TRIM5: variants seen among roughly 807,000 people sequenced by gnomAD.
The protein encoded by TRIM5 is tripartite motif containing 5, also known as tripartite motif-containing protein 5.
A neutral mutation model predicts 35.6 loss-of-function variants in TRIM5; 31 were observed. The observed-to-expected ratio is 0.87, with a 90% confidence interval of 0.65 to 1.18. The LOEUF is 1.18. Among genes scored for constraint, TRIM5 ranks in the 50% most tolerant of loss-of-function variants. The pLI, the probability that TRIM5 is intolerant of heterozygous loss-of-function variation, is 0.00. For missense variants in TRIM5, 609 were observed against 591.6 expected (o/e 1.03, Z -0.31); for synonymous variants, 243 against 215.6 (o/e 1.13, Z -1.11).
the TRIM5 span, chr11:5,605,382 C>G: frequency 2.5e-6 from 4 of 1,614,020 alleles, no homozygotes; most frequent in Non-Finnish European, 2.5e-6. Context: ...AGAGTTTAAT[C>G]AGCTGCGAAA....
the TRIM5 span, among the ~76,000 whole-genome samples, chr11:5,604,026 C>T: frequency 1.6e-4 from 24 of 152,090 alleles, no homozygotes; most frequent in African/African-American, 5.5e-4. Context: ...GAAGGCGTCT[C>T]GCTCTGTCGC....
the TRIM5 span, chr11:5,603,514 C>T: frequency 4.8e-5 from 78 of 1,613,972 alleles, no homozygotes; most frequent in Middle Eastern, 3.3e-4. Flanking sequence ...GCCAGGGAAC[C>T]TGCGGCCTAA....
At chr11:5,592,615 A>C in the TRIM5 span, among the ~76,000 whole-genome samples, 3 of 152,104 alleles carry the variant, frequency 2.0e-5, no homozygotes, top group South Asian at 6.2e-4. Context: ...AGAAAATATA[A>C]AATATCAAAG....
chr11:5,603,414 C>T, the TRIM5 span: 6 of 1,614,078 alleles, frequency 3.7e-6, no homozygotes, highest in Admixed American at 1.7e-5. Flanking sequence ...GCCACAGCTT[C>T]TGCCAAGCCT....
chr11:5,666,042 TGGAAAAG>T lies in TRIM5; in HGVS notation c.800_806del (p.Thr267LysfsTer13). On this transcript the variant is annotated frameshift_variant, in exon 6 of 8. Transcript: ENST00000380034. LOFTEE classifies it high-confidence loss of function. ...CTCGAAACACTCTCCTTTGATTTTTTGGAAAAGTTTCTGGCTTCTTCAAGGTCACGTT... is the reference window on the plus strand; with the variant it reads ...CTCGAAACACTCTCCTTTGATTTTTTTTTCTGGCTTCTTCAAGGTCACGTT... 1 of 1,613,440 alleles carries T rather than the reference TGGAAAAG, an allele frequency of 6.2e-7. No individual in the cohort carries two copies. The highest frequency in any genetic ancestry group is 8.5e-7 in the Non-Finnish European group (1 of 1,179,920).
the TRIM5 span, among the ~76,000 whole-genome samples, chr11:5,638,854 A>G: frequency 1.3e-5 from 2 of 152,166 alleles, no homozygotes; most frequent in Admixed American, 6.5e-5. Context: ...TATTTTTGCA[A>G]CTGGTTACAG....
chr11:5,622,646 A>G, the TRIM5 span, among the ~76,000 whole-genome samples: 1 of 147,520 alleles, frequency 6.8e-6, no homozygotes, highest in Non-Finnish European at 1.5e-5. Context: ...AATAAAAAAA[A>G]CCGGAAAAAA....
the TRIM5 span, among the ~76,000 whole-genome samples, chr11:5,592,789 T>C: frequency 2.6e-5 from 4 of 151,330 alleles, no homozygotes; most frequent in African/African-American, 7.3e-5. Context: ...CGGTGGTGTA[T>C]GCCCTTAGTC....
the TRIM5 span, among the ~76,000 whole-genome samples, chr11:5,599,383 A>ATATG: frequency 6.8e-6 from 1 of 146,866 alleles, no homozygotes; most frequent in Non-Finnish European, 1.5e-5. Context: ...TACAATTATT[A>ATATG]TATTTATTTA....
the TRIM5 span, among the ~76,000 whole-genome samples, chr11:5,629,730 C>T: frequency 3.3e-5 from 5 of 152,166 alleles, no homozygotes; most frequent in Admixed American, 2.6e-4. Context: ...TTTTTTGAGA[C>T]GGAGTCTCGC....
chr11:5,682,576 A>G (rs1015372709), intron 1 of TRIM5, among the ~76,000 whole-genome samples: 1 of 152,188 alleles, frequency 6.6e-6, no homozygotes, highest in African/African-American at 2.4e-5. Flanking sequence ...ACTGCCCAGC[A>G]TGGTCCAGAT....
At chr11:5,613,452 A>G in the TRIM5 span, among the ~76,000 whole-genome samples, 1 of 152,208 alleles carries the variant, frequency 6.6e-6, no homozygotes, top group African/African-American at 2.4e-5. Flanking sequence ...GCACCGTTTT[A>G]TAATATTTGG....
the TRIM5 span, chr11:5,634,599 TTAC>T: frequency 1.9e-6 from 3 of 1,585,276 alleles, no homozygotes; most frequent in Admixed American, 3.5e-5. Context: ...CCTGACAAAC[TTAC>T]TACAACTCTC....
the TRIM5 span, among the ~76,000 whole-genome samples, chr11:5,655,335 A>G: frequency 6.6e-6 from 1 of 152,166 alleles, no homozygotes; most frequent in Non-Finnish European, 1.5e-5. Context: ...AATAATATTT[A>G]TCTACAATTT....
the TRIM5 span, among the ~76,000 whole-genome samples, chr11:5,623,437 G>A: frequency 1.3e-5 from 2 of 151,518 alleles, no homozygotes; most frequent in East Asian, 1.9e-4. Flanking sequence ...GTGCGATCTC[G>A]GCTCACTGCA....
the TRIM5 span, among the ~76,000 whole-genome samples, chr11:5,622,419 T>C: frequency 1.4e-5 from 2 of 144,918 alleles, no homozygotes; most frequent in East Asian, 2.0e-4. Context: ...CACTCCAGCC[T>C]GGGCGACAGA....
rs1590277561 is a variant in TRIM5, at chr11:5,680,130, G to A, written c.48C>T (p.Pro16=). 2 of 1,613,738 alleles carry A rather than the reference G, an allele frequency of 1.2e-6. No individual in the cohort carries two copies. Among genetic ancestry groups the A allele is most frequent in the East Asian group, 4.5e-5 (2 of 44,866 alleles). ...GTTGTGTCAGGAGTTCCAGGCAGATGGGGCAGGTCACCTCCTCCTTTACAT... is the reference window on the plus strand; with the variant it reads ...GTTGTGTCAGGAGTTCCAGGCAGATAGGGCAGGTCACCTCCTCCTTTACAT... The part of the protein sequence containing the change: ...LVNVKEEVTC[P]ICLELLTQPL... Residue 16 remains proline, a synonymous_variant, in exon 2 of 8, where the codon CCC becomes CCT. Transcript: ENST00000380034.
At chr11:5,615,585 T>TTTGTTG in the TRIM5 span, among the ~76,000 whole-genome samples, 11 of 96,604 alleles carry the variant, frequency 1.1e-4, no homozygotes, top group Admixed American at 1.2e-3. Flanking sequence ...TTGTTTTTTT[T>TTTGTTG]TTGTTGTTGT....
the TRIM5 span, among the ~76,000 whole-genome samples, chr11:5,642,241 A>G: frequency 2.0e-5 from 3 of 152,200 alleles, no homozygotes; most frequent in Middle Eastern, 3.2e-3. Context: ...AGACACAGTC[A>G]CATTTCTTCT....
Sources: allele counts gnomAD v4.1 joint callset (sites outside exome capture counted in the v4.1 genomes callset), GRCh38; gene constraint gnomAD v4.1.1; transcripts MANE v1.5; gene names NCBI Gene and HGNC (gene_info 2026-07-23, HGNC 2026-07-21).